Variants in UBE2E2 observed in about 807,000 individuals in gnomAD.
UBE2E2 encodes ubiquitin conjugating enzyme E2 E2, also known as ubiquitin-conjugating enzyme E2 E2.
Under a neutral mutation model 24.7 loss-of-function variants are expected in UBE2E2, and 6 were observed. The observed-to-expected ratio is 0.24, with a 90% confidence interval of 0.13 to 0.48. UBE2E2 has a LOEUF of 0.48. Ranked by LOEUF, UBE2E2 falls within the 20% of genes least tolerant of loss-of-function variation. The pLI is 0.99. For missense variants in UBE2E2, 169 were observed against 245.0 expected, an observed-to-expected ratio of 0.69 and a Z score of 2.07; for synonymous variants, 104 against 83.6, an observed-to-expected ratio of 1.24 and a Z score of -1.33.
At chr3:23,387,421 C>T (rs1231891114) in intron 3 of UBE2E2, among the ~76,000 whole-genome samples, 1 of 152,146 alleles carries the variant, frequency 6.6e-6, no homozygotes, top group Non-Finnish European at 1.5e-5. Context: ...AAAAACCAAC[C>T]TTGCATGAAT....
chr3:23,434,466 C>A (rs1056728209), intron 3 of UBE2E2, among the ~76,000 whole-genome samples: 1 of 152,052 alleles, frequency 6.6e-6, no homozygotes, highest in African/African-American at 2.4e-5. Flanking sequence ...ATTCTTGGTA[C>A]GAAACAGATA....
intron 3 of UBE2E2, among the ~76,000 whole-genome samples, chr3:23,326,088 T>C (rs1016655821): frequency 6.6e-6 from 1 of 152,232 alleles, no homozygotes; most frequent in Non-Finnish European, 1.5e-5. Context: ...TTATTTATTT[T>C]TGAGGTGGAG....
intron 3 of UBE2E2, among the ~76,000 whole-genome samples, chr3:23,240,480 A>G (rs1018529772): frequency 1.3e-5 from 2 of 152,198 alleles, no homozygotes; most frequent in Non-Finnish European, 2.9e-5. Context: ...TTATCATATT[A>G]TTCTTAATAA....
chr3:23,353,930 T>A (rs1400086991), intron 3 of UBE2E2, among the ~76,000 whole-genome samples: 2 of 152,222 alleles, frequency 1.3e-5, no homozygotes, highest in Non-Finnish European at 2.9e-5. Flanking sequence ...CATCGCCAAG[T>A]CAGTCCTAAG....
intron 5 of UBE2E2, among the ~76,000 whole-genome samples, chr3:23,552,147 A>G (rs1180574277): frequency 1.3e-5 from 2 of 152,124 alleles, no homozygotes; most frequent in African/African-American, 4.8e-5. Context: ...CACCCAGTCT[A>G]TGGTTTGTTG....
At chr3:23,410,517 C>G (rs146008886) in intron 3 of UBE2E2, among the ~76,000 whole-genome samples, 2 of 152,036 alleles carry the variant, frequency 1.3e-5, no homozygotes, top group African/African-American at 4.8e-5. Context: ...TTCTAATAAG[C>G]CTTGCAGTTT....
chr3:23,224,565 GTC>G (rs1230658030), intron 3 of UBE2E2, among the ~76,000 whole-genome samples: 1 of 150,680 alleles, frequency 6.6e-6, no homozygotes, highest in Admixed American at 6.6e-5. Flanking sequence ...TTTTGGTAGA[GTC>G]TTTAGGTTTT....
chr3:23,311,105 G>A (rs1212734982), intron 3 of UBE2E2, among the ~76,000 whole-genome samples: 1 of 152,172 alleles, frequency 6.6e-6, no homozygotes, highest in Admixed American at 6.5e-5. Flanking sequence ...AGAACATGCG[G>A]TGTTTGGTTT....
At chr3:23,500,060 T>G (rs1699688360) in intron 4 of UBE2E2, among the ~76,000 whole-genome samples, 1 of 151,984 alleles carries the variant, frequency 6.6e-6, no homozygotes, top group Non-Finnish European at 1.5e-5. Context: ...CCAGGGTGAG[T>G]ACCAGAGCCC....
intron 3 of UBE2E2, among the ~76,000 whole-genome samples, chr3:23,376,709 A>G (rs1422989148): frequency 6.6e-6 from 1 of 152,190 alleles, no homozygotes; most frequent in Non-Finnish European, 1.5e-5. Flanking sequence ...GATTAGCTGG[A>G]ATGATGTTGC....
chr3:23,491,946 A>C (rs1340425505), intron 3 of UBE2E2, among the ~76,000 whole-genome samples: 1 of 152,148 alleles, frequency 6.6e-6, no homozygotes, highest in Non-Finnish European at 1.5e-5. Context: ...CTTAGAGCAG[A>C]GGAGAAAAAA....
chr3:23,212,437 A>G (rs923897027), intron 2 of UBE2E2, among the ~76,000 whole-genome samples: 4 of 152,224 alleles, frequency 2.6e-5, no homozygotes, highest in African/African-American at 7.2e-5. Flanking sequence ...TCAGTTCAAT[A>G]AAACGTCTAT....
intron 3 of UBE2E2, among the ~76,000 whole-genome samples, chr3:23,269,684 C>A (rs762428746): frequency 5.3e-5 from 8 of 152,048 alleles, no homozygotes; most frequent in Admixed American, 2.0e-4. Flanking sequence ...GAGTTGGAGC[C>A]GGGAGCAGCA....
chr3:23,266,901 C>T (rs534405867), intron 3 of UBE2E2, among the ~76,000 whole-genome samples: 1 of 152,300 alleles, frequency 6.6e-6, no homozygotes, highest in South Asian at 2.1e-4. Flanking sequence ...TTAAGAAACT[C>T]ACTCAAAACC....
At position 23,436,335 on chromosome 3, in the gene UBE2E2, G is replaced by C. The variant is rs191434546; in HGVS notation, c.228-63273G>C. Among the ~76,000 whole-genome samples the C allele has an allele frequency of 1.8e-3, 281 of 152,246 alleles. 3 individuals carry two copies. The highest frequency in any genetic ancestry group is 3.2e-3 in the Non-Finnish European group (217 of 68,016). ...GCCCAGGTTCATTCTGCTGTTCCAT[G>C]ATATTTTTCTTCTTGCCAGAATGAC... is the stretch of plus-strand genomic sequence containing the variant. On this transcript the variant is annotated intron_variant, in intron 3 of 5. Transcript: ENST00000396703.
intron 3 of UBE2E2, among the ~76,000 whole-genome samples, chr3:23,346,648 G>A (rs1168565976): frequency 6.6e-6 from 1 of 152,162 alleles, no homozygotes; most frequent in Non-Finnish European, 1.5e-5. Context: ...TGTACTTAAT[G>A]TTACTTTCCA....
At chr3:23,437,231 G>A (rs1324834762) in intron 3 of UBE2E2, among the ~76,000 whole-genome samples, 1 of 152,102 alleles carries the variant, frequency 6.6e-6, no homozygotes, top group Non-Finnish European at 1.5e-5. Flanking sequence ...ATCCTTACAT[G>A]TCTGACTCTC....
chr3:23,561,142 C>G (rs1258952869), intron 5 of UBE2E2, among the ~76,000 whole-genome samples: 1 of 152,092 alleles, frequency 6.6e-6, no homozygotes, highest in Non-Finnish European at 1.5e-5. Context: ...AAGTCCTTGA[C>G]CCCCATCCCT....
chr3:23,463,024 T>A (rs1025226276), intron 3 of UBE2E2, among the ~76,000 whole-genome samples: 2 of 152,152 alleles, frequency 1.3e-5, no homozygotes, highest in African/African-American at 4.8e-5. Context: ...GACAATAGGT[T>A]CATATTACAA....
Sources: gnomAD v4.1 joint callset for allele counts (sites outside exome capture counted in the v4.1 genomes callset) on GRCh38, gnomAD v4.1.1 for gene constraint, MANE v1.5 for transcripts, NCBI Gene and HGNC (gene_info 2026-07-23, HGNC 2026-07-21) for gene names.